Variants in DCAF4 observed in about 807,000 individuals in gnomAD.
DCAF4 encodes DDB1- and CUL4-associated factor 4.
DCAF4 carries 37 observed loss-of-function variants against 60.9 expected under a neutral mutation model. That is an observed-to-expected ratio of 0.61 (90% CI 0.47 to 0.80). The LOEUF is 0.80. Among genes scored for constraint, DCAF4 ranks in the 30% least tolerant of loss-of-function variants. The pLI, the probability that DCAF4 is intolerant of heterozygous loss-of-function variation, is 0.00. For missense variants in DCAF4, 577 were observed against 650.0 expected (o/e 0.89, Z 1.22); for synonymous variants, 243 against 254.8 (o/e 0.95, Z 0.44).
chr14:72,929,487 A>G (rs1659092558), intron 1 of DCAF4: 13 of 639,234 alleles, frequency 2.0e-5, no homozygotes, highest in Middle Eastern at 4.2e-4. Context: ...GCTGGAGGCC[A>G]GAAATTCGAG....
chr14:72,939,202 A>C (rs1889697412), intron 2 of DCAF4, among the ~76,000 whole-genome samples: 1 of 152,054 alleles, frequency 6.6e-6, no homozygotes. Flanking sequence ...AAAAATATAA[A>C]AATTATCTGG....
chr14:72,946,145 A>G (rs1419625717), intron 7 of DCAF4, 118 bp downstream of exon 7: 33 of 1,304,498 alleles, frequency 2.5e-5, no homozygotes, highest in Non-Finnish European at 3.2e-5. Flanking sequence ...TCATTTTTCC[A>G]TAAGACTTGA....
At chr14:72,935,586 T>G (rs1256398508) in intron 1 of DCAF4, among the ~76,000 whole-genome samples, 2 of 152,210 alleles carry the variant, frequency 1.3e-5, no homozygotes, top group Non-Finnish European at 2.9e-5. Context: ...CCTTGCTAAC[T>G]ATATTACTTG....
intron 1 of DCAF4, among the ~76,000 whole-genome samples, chr14:72,933,851 C>T (rs1398242445): frequency 6.6e-6 from 1 of 152,208 alleles, no homozygotes; most frequent in Non-Finnish European, 1.5e-5. Context: ...TCCACCTCTC[C>T]CATGAAATTT....
chr14:72,934,762 C>T (rs1048160182), intron 1 of DCAF4, among the ~76,000 whole-genome samples: 4 of 152,168 alleles, frequency 2.6e-5, no homozygotes, highest in African/African-American at 4.8e-5. Flanking sequence ...ATTAAACAAT[C>T]GGTGCCTCCA....
At chr14:72,944,609 G>A (rs978955045) in intron 6 of DCAF4, among the ~76,000 whole-genome samples, 2 of 151,786 alleles carry the variant, frequency 1.3e-5, no homozygotes, top group Non-Finnish European at 2.9e-5. Context: ...CCTAGGCAAC[G>A]TGGGTAAACC....
chr14:72,947,095 T>C (rs902152309), intron 7 of DCAF4, 47 bp from the exon 8 acceptor site: 1 of 1,609,896 alleles, frequency 6.2e-7, no homozygotes, highest in Non-Finnish European at 8.5e-7. Flanking sequence ...CAGGAAAGCA[T>C]ATTACTGTAG....
chr14:72,943,217 C>A, intron 6 of DCAF4, 121 bp downstream of exon 6: 1 of 851,694 alleles, frequency 1.2e-6, no homozygotes. Context: ...AAGTAGGTGG[C>A]ATCTTCTTGG....
At chr14:72,956,701 G>A (rs1031001750) in intron 13 of DCAF4, 11 of 518,148 alleles carry the variant, frequency 2.1e-5, no homozygotes, top group East Asian at 7.5e-5. Flanking sequence ...ATGTCCACCA[G>A]GTGGACAGCC....
intron 1 of DCAF4, among the ~76,000 whole-genome samples, chr14:72,937,524 G>A (rs981537496): frequency 6.7e-6 from 1 of 149,824 alleles, no homozygotes; most frequent in Non-Finnish European, 1.5e-5. Context: ...GGGTTCAAGC[G>A]ATTCTCCTGA....
At position 72,958,555 on chromosome 14, in the gene DCAF4, G is replaced by T; in HGVS notation, c.1295-57G>T. The T allele has an allele frequency of 1.9e-6, 3 of 1,601,976 alleles. No individual in the cohort carries two copies. The Admixed American group carries it at 5.1e-5, about 27-fold the overall frequency. ...CTTGGGAAGCCATGTCCACATGTAG[G>T]TAAGTTTTCCTTTGCATTCTCTCAC... is the stretch of plus-strand genomic sequence containing the variant. On this transcript the variant is annotated intron_variant, in intron 13 of 13. Coordinates refer to ENST00000358377, the MANE Select transcript of DCAF4 (RefSeq NM_015604.4).
rs550551074 is a variant in DCAF4 at position 72,955,416 on chromosome 14, C to T, written c.1006-107C>T. ...CTGACCAGCACGTGTCTAATCACAC[C>T]GTCTGACCCAGAGGCTGGAAGAGGG... On this transcript the variant is annotated intron_variant, in intron 11 of 13. Coordinates refer to ENST00000358377, the MANE Select transcript of DCAF4 (RefSeq NM_015604.4). The T allele has an allele frequency of 1.4e-3, 1,861 of 1,340,554 alleles. 11 individuals carry two copies. The highest frequency in any genetic ancestry group is 1.2e-3 in the Non-Finnish European group (1,187 of 967,248). 83.0% of individuals were successfully genotyped at this position (1,340,554 alleles called of 1,614,324 possible). A position where few individuals can be genotyped will look rare whatever the true frequency, so the allele number is the denominator to read the frequency against.
chr14:72,954,297 C>T lies in DCAF4; in HGVS notation c.907+35C>T, dbSNP rs375989976. On this transcript the variant is annotated intron_variant, in intron 10 of 13. Transcript: ENST00000358377. ...GCTCCCCAGGTGCCCAGAGAAGAGG[C>T]CTTAACAGGCCTTAAAACCCCATGT... 2.9e-4 allele frequency: 467 copies of T among 1,612,942 alleles called. 7 individuals are homozygous for T. In the South Asian group the frequency reaches 4.4e-3, roughly 15 times the overall value.
At chr14:72,949,366 G>A (rs564622683) in intron 8 of DCAF4, among the ~76,000 whole-genome samples, 3 of 152,316 alleles carry the variant, frequency 2.0e-5, no homozygotes, top group African/African-American at 7.2e-5. Context: ...TGAGGCAGGA[G>A]GATCATTTGA....
In DCAF4 at chr14:72,953,778, TTATTTGTGTGTG is replaced by T. The variant is rs1354962377; in HGVS notation, c.809-384_809-373del. On this transcript the variant is annotated intron_variant, in intron 9 of 13. Transcript: ENST00000358377. ...ATATATATATAGTTTATTTATTTAT[TTATTTGTGTGTG>T]TGTGTGTGTGTGTGTGTGTGTGTGT... Among the ~76,000 whole-genome samples the T allele has an allele frequency of 6.8e-4, 22 of 32,390 alleles. 3 individuals are homozygous for T. Among genetic ancestry groups the T allele is most frequent in the Non-Finnish European group, 1.2e-3 (19 of 15,734 alleles). The allele number at this position is 32,390 out of a possible 152,430, so 21.2% of individuals were successfully genotyped here.
At position 72,956,442 on chromosome 14, in the gene DCAF4, G is replaced by A; in HGVS notation, c.1236G>A (p.Val412=). The change falls in exon 13 of 14, where the codon GTG becomes GTA. Residue 412 remains valine (V), a synonymous_variant. Transcript: ENST00000358377. The stretch of plus-strand genomic sequence containing the variant: ...GCGTAAGGCAGTACGAAGGCCACGT[G>A]AATGAGTACGCCTACCTGCCCCTGC... The part of the protein sequence containing the change: ...TKCVRQYEGH[V]NEYAYLPLHV... 1 of 1,613,710 alleles carries A rather than the reference G, an allele frequency of 6.2e-7. No individual in the cohort carries two copies. The highest frequency in any genetic ancestry group is 8.5e-7 in the Non-Finnish European group (1 of 1,179,838).
In DCAF4 at chr14:72,929,836, C is replaced by T. The variant is rs997705992; in HGVS notation, c.-9+3293C>T. 12 of 1,388,156 alleles carry T rather than the reference C, an allele frequency of 8.6e-6. No homozygotes were observed. The African/African-American group carries it at 1.3e-4, about 15-fold the overall frequency. The allele number at this position is 1,388,156 out of a possible 1,614,324, so 86.0% of individuals were successfully genotyped here. A position where few individuals can be genotyped will look rare whatever the true frequency, so the allele number is the denominator to read the frequency against. Reference sequence around the variant, plus strand: ...TACAAACTTGGTGCGTTTGCTCAGACGCCCGCGGCGGCGGCTGTGCCTGGG... The same window carrying T: ...TACAAACTTGGTGCGTTTGCTCAGATGCCCGCGGCGGCGGCTGTGCCTGGG... On this transcript the variant is annotated intron_variant, in intron 1 of 13. Coordinates refer to ENST00000358377, the MANE Select transcript of DCAF4 (RefSeq NM_015604.4).
rs1402682470 is a variant in DCAF4 at position 72,954,201 on chromosome 14, C to T, written c.846C>T (p.Ile282=). ...CTGGCATGCTCTGCAGTTTCCGGATCCCTGGTGCCTGGTCCTGTGCCTGGT... is the reference window on the plus strand; with the variant it reads ...CTGGCATGCTCTGCAGTTTCCGGATTCCTGGTGCCTGGTCCTGTGCCTGGT... ...DRPGMLCSFR[I]PGAWSCAWSL... is the part of the protein sequence containing the mutation. The change falls in exon 10 of 14, where the codon ATC becomes ATT. Residue 282 remains isoleucine (I), a synonymous_variant. Transcript: ENST00000358377. 1.2e-6 allele frequency: 2 copies of T among 1,614,194 alleles called. No homozygotes were observed. The highest frequency in any genetic ancestry group is 2.2e-5 in the East Asian group (1 of 44,874).
rs905104970 is a variant in DCAF4, at chr14:72,959,184, A to G, written c.*379A>G. On this transcript the variant is annotated 3_prime_UTR_variant, in exon 14 of 14. Transcript: ENST00000358377. ...GAAGAAGCCCAGTGATGAGACGGTG[A>G]GATGGTTTGAGTCCTCGGTGCCTGG... 7.5e-5 allele frequency: 75 copies of G among 996,608 alleles called. No homozygotes were observed. The African/African-American group carries it at 1.2e-3, about 16-fold the overall frequency. 61.7% of individuals were successfully genotyped at this position (996,608 alleles called of 1,614,324 possible). A position where few individuals can be genotyped will look rare whatever the true frequency, so the allele number is the denominator to read the frequency against.
Sources: allele counts gnomAD v4.1 joint callset (sites outside exome capture counted in the v4.1 genomes callset), GRCh38; gene constraint gnomAD v4.1.1; transcripts MANE v1.5; gene names NCBI Gene and HGNC (gene_info 2026-07-23, HGNC 2026-07-21).